GNB3: variants seen among roughly 807,000 people sequenced by gnomAD.
The protein encoded by GNB3 is G protein subunit beta 3.
A neutral mutation model predicts 41.2 loss-of-function variants in GNB3; 33 were observed. That is an observed-to-expected ratio of 0.80 (90% CI 0.61 to 1.07). The LOEUF is 1.07. Among genes scored for constraint, GNB3 ranks in the 50% least tolerant of loss-of-function variants. GNB3 has a pLI of 0.00. For missense variants in GNB3, 409 were observed against 455.3 expected (o/e 0.90, Z 0.92); for synonymous variants, 172 against 173.4 (o/e 0.99, Z 0.06).
rs782697687 is a variant in GNB3, at chr12:6,843,989, C to T, written c.699+11C>T. ...ATCAACGCCATCTGTGTGAGTGCAC[C>T]CCCCACCCCAGCTTCACTCCAACTC... is the stretch of plus-strand genomic sequence containing the variant. On this transcript the variant is annotated intron_variant, in intron 8 of 9. Coordinates refer to ENST00000229264, the MANE Select transcript of GNB3 (RefSeq NM_002075.4). This position sits in a 1 kb window ranked among gnomAD's most constrained non-coding sequence, Gnocchi z 5.9. The T allele has an allele frequency of 1.9e-6, 3 of 1,592,292 alleles. No individual in the cohort carries two copies. Among genetic ancestry groups the T allele is most frequent in the Admixed American group, 1.7e-5 (1 of 59,258 alleles).
In GNB3 at chr12:6,845,684, C is replaced by A. The variant is rs782748157; in HGVS notation, c.798C>A (p.His266Gln). 6.2e-7 allele frequency: 1 copy of A among 1,614,040 alleles called. No homozygotes were observed. Among genetic ancestry groups the A allele is most frequent in the East Asian group, 2.2e-5 (1 of 44,884 alleles). ...ACCAGGAGCTGATCTGCTTCTCCCA[C>A]GAGAGCATCATCTGCGGCATCACGT... is the stretch of plus-strand genomic sequence containing the variant. ...RADQELICFS[H>Q]ESIICGITSV... The change falls in exon 9 of 10, where the codon CAC (histidine) becomes CAA (glutamine). Residue 266 changes from histidine to glutamine, a missense_variant. Physicochemically the swap from His to Gln is conservative, Grantham distance 24. Coordinates refer to ENST00000229264, the MANE Select transcript of GNB3 (RefSeq NM_002075.4).
chr12:6,842,287 G>A (rs1304634434), intron 3 of GNB3, among the ~76,000 whole-genome samples: 2 of 152,156 alleles, frequency 1.3e-5, no homozygotes, highest in African/African-American at 2.4e-5. Context: ...AGTGGTTCAC[G>A]CCTGTAATCC....
chr12:6,842,503 C>T (rs1943592743), intron 3 of GNB3, among the ~76,000 whole-genome samples: 1 of 152,206 alleles, frequency 6.6e-6, no homozygotes, highest in Admixed American at 6.5e-5. Context: ...GCTCAAGGGG[C>T]ATAGTACCAC....
chr12:6,845,343 C>T lies in GNB3; in HGVS notation c.700-243C>T, dbSNP rs1390923189. 13 of 497,906 alleles carry T rather than the reference C, an allele frequency of 2.6e-5. No homozygotes were observed. In the Middle Eastern group the frequency reaches 1.6e-3, roughly 61 times the overall value. The allele number at this position is 497,906 out of a possible 1,614,324, so 30.8% of individuals were successfully genotyped here. ...AGGCAAGCCTTGGTGCTCTTGCCTG[C>T]GACGTGGAAATGATGCCTGCCTGCA... On this transcript the variant is annotated intron_variant, in intron 8 of 9. Coordinates refer to ENST00000229264, the MANE Select transcript of GNB3 (RefSeq NM_002075.4).
chr12:6,843,035 C>T lies in GNB3; in HGVS notation c.162C>T (p.His54=), dbSNP rs1565518239. ...GGACGCGGCGGACGTTAAGGGGACA[C>T]CTGGCCAAGATTTACGCCATGCACT... ...QMRTRRTLRG[H]LAKIYAMHWA... is the part of the protein sequence containing the mutation. The change falls in exon 4 of 10, where the codon CAC becomes CAT. Residue 54 remains histidine, a synonymous_variant. Coordinates refer to ENST00000229264, the MANE Select transcript of GNB3 (RefSeq NM_002075.4). This position sits in a 1 kb window ranked among gnomAD's most constrained non-coding sequence, Gnocchi z 5.9. 6.3e-7 allele frequency: 1 copy of T among 1,582,934 alleles called. No homozygotes were observed. The highest frequency in any genetic ancestry group is 8.6e-7 in the Non-Finnish European group (1 of 1,159,414).
rs1555123403 is a variant in GNB3, at chr12:6,841,634, CCT to C, written c.96+11_96+12del. ...CGTTACTCTGGCAGAGGTAAGACCC[CCT>C]GTCCCCCGGAAGGCAGGGCATGGGG... is the stretch of plus-strand genomic sequence containing the variant. On this transcript the variant is annotated intron_variant, in intron 3 of 9. Transcript: ENST00000229264. The C allele has an allele frequency of 6.2e-7, 1 of 1,609,502 alleles. No individual in the cohort carries two copies. Among genetic ancestry groups the C allele is most frequent in the East Asian group, 2.2e-5 (1 of 44,796 alleles).
chr12:6,843,328 C>A lies in GNB3; in HGVS notation c.268-35C>A. On this transcript the variant is annotated intron_variant, in intron 5 of 9. Transcript: ENST00000229264. The surrounding 1 kb of genome is among the most constrained non-coding windows in gnomAD (Gnocchi z 5.9). ...CTGTGCCCAGCTGGGAGCTTGGCTC[C>A]GGTCCCATCTCTGCTCAAACCACCC... The A allele has an allele frequency of 6.2e-7, 1 of 1,612,586 alleles. No homozygotes were observed. Among genetic ancestry groups the A allele is most frequent in the Non-Finnish European group, 8.5e-7 (1 of 1,178,702 alleles).
Position 6,843,593 on chromosome 12 carries a change from G to A in GNB3, c.431-39G>A, listed in dbSNP as rs1205348108. Reference sequence around the variant, plus strand: ...AACCCTGGGCTTCCAGTGGGCTGTGGCTCTGCAGCCAGGGCACTGTCCTTC... The same window carrying A: ...AACCCTGGGCTTCCAGTGGGCTGTGACTCTGCAGCCAGGGCACTGTCCTTC... On this transcript the variant is annotated intron_variant, in intron 6 of 9. Coordinates refer to ENST00000229264, the MANE Select transcript of GNB3 (RefSeq NM_002075.4). The surrounding 1 kb of genome is among the most constrained non-coding windows in gnomAD (Gnocchi z 5.9). The A allele has an allele frequency of 2.5e-6, 4 of 1,612,794 alleles. No individual in the cohort carries two copies. The highest frequency in any genetic ancestry group is 3.4e-6 in the Non-Finnish European group (4 of 1,178,778).
intron 3 of GNB3, 177 bp downstream of exon 3, chr12:6,841,801 T>A (rs1404682289): frequency 8.5e-6 from 6 of 708,320 alleles, no homozygotes; most frequent in Middle Eastern, 2.3e-4. Context: ...AGGCACCATA[T>A]TGGATGCGAA....
In GNB3 at chr12:6,843,732, G is replaced by T. The variant is rs1246235986; in HGVS notation, c.497+34G>T. On this transcript the variant is annotated intron_variant, in intron 7 of 9. Transcript: ENST00000229264. This position sits in a 1 kb window ranked among gnomAD's most constrained non-coding sequence, Gnocchi z 5.9. ...GAACATTGCTGGTGCTGGGGCTTGG[G>T]AGTGGGCCCGGCCTTTCTCTAACAG... is the stretch of plus-strand genomic sequence containing the variant. 6.2e-7 allele frequency: 1 copy of T among 1,612,264 alleles called. No homozygotes were observed. Among genetic ancestry groups the T allele is most frequent in the Non-Finnish European group, 8.5e-7 (1 of 1,178,370 alleles).
chr12:6,846,586 CT>C (rs1435573659), intron 9 of GNB3: 2 of 484,956 alleles, frequency 4.1e-6, no homozygotes, highest in Non-Finnish European at 7.4e-6. Flanking sequence ...TCTACCGAGT[CT>C]AGGATCCCTG....
rs891377923 is a variant in GNB3, at chr12:6,846,683, C to T, written c.917-109C>T. ...CATGCACACATATCCCCCCACACACCCACATACACACACACACCCACACAC... is the reference window on the plus strand; with the variant it reads ...CATGCACACATATCCCCCCACACACTCACATACACACACACACCCACACAC... On this transcript the variant is annotated intron_variant, in intron 9 of 9. Transcript: ENST00000229264. 176 of 634,362 alleles carry T rather than the reference C, an allele frequency of 2.8e-4. 1 individual carries two copies. Among genetic ancestry groups the T allele is most frequent in the Middle Eastern group, 1.6e-3 (6 of 3,852 alleles). 39.3% of individuals were successfully genotyped at this position (634,362 alleles called of 1,614,324 possible). A position where few individuals can be genotyped will look rare whatever the true frequency, so the allele number is the denominator to read the frequency against.
intron 8 of GNB3, 131 bp from the exon 9 acceptor site, chr12:6,845,455 C>G: frequency 1.5e-6 from 1 of 653,944 alleles, no homozygotes; most frequent in Non-Finnish European, 2.7e-6. Context: ...CACCCCAAAC[C>G]AAGGGAGGGA....
In GNB3 at chr12:6,843,928, A is replaced by T; in HGVS notation, c.649A>T (p.Thr217Ser). Residue 217 changes from threonine to serine, a missense_variant, in exon 8 of 10, where the codon ACC (threonine) becomes TCC (serine). Transcript: ENST00000229264. This position sits in a 1 kb window ranked among gnomAD's most constrained non-coding sequence, Gnocchi z 5.9. Reference sequence around the variant, plus strand: ...CAAGCTCTGGGATGTGCGAGAGGGGACCTGCCGTCAGACTTTCACTGGCCA... The same window carrying T: ...CAAGCTCTGGGATGTGCGAGAGGGGTCCTGCCGTCAGACTTTCACTGGCCA... Reference protein sequence around the residue: ...SAKLWDVREGTCRQTFTGHES... With the variant: ...SAKLWDVREGSCRQTFTGHES... 1 of 1,612,636 alleles carries T rather than the reference A, an allele frequency of 6.2e-7. No homozygotes were observed. The highest frequency in any genetic ancestry group is 8.5e-7 in the Non-Finnish European group (1 of 1,179,770).
intron 8 of GNB3, chr12:6,844,881 C>T (rs924581438): frequency 6.6e-6 from 1 of 152,214 alleles, no homozygotes; most frequent in African/African-American, 2.4e-5. Flanking sequence ...CTTCCCGAAA[C>T]AAAGCCCTTC....
Position 6,843,436 on chromosome 12 carries a change from G to T in GNB3, c.341G>T (p.Cys114Phe), listed in dbSNP as rs375004756. The change falls in exon 6 of 10, where the codon TGT becomes TTT. Residue 114 changes from cysteine to phenylalanine, a missense_variant. By Grantham distance (205) the Cys-to-Phe change is radical. Transcript: ENST00000229264. The surrounding 1 kb of genome is among the most constrained non-coding windows in gnomAD (Gnocchi z 5.9). The part of the protein sequence containing the change: ...AYAPSGNFVA[C>F]GGLDNMCSIY... ...GCCCCATCAGGGAACTTTGTGGCAT[G>T]TGGGGGGCTGGACAACATGTGTTCC... The T allele has an allele frequency of 6.2e-7, 1 of 1,614,136 alleles. No homozygotes were observed. The highest frequency in any genetic ancestry group is 8.5e-7 in the Non-Finnish European group (1 of 1,179,962).
In GNB3 at chr12:6,841,031, C is replaced by A; in HGVS notation, c.-33C>A. ...ACCCGGCCGAGGTCCAGCCAGAGCCCAAGTAAGAGGGAGCTGGCCTGGGCT... is the reference window on the plus strand; with the variant it reads ...ACCCGGCCGAGGTCCAGCCAGAGCCAAAGTAAGAGGGAGCTGGCCTGGGCT... On this transcript the variant is annotated splice_region_variant and 5_prime_UTR_variant, in exon 1 of 10. Transcript: ENST00000229264. 1 of 549,790 alleles carries A rather than the reference C, an allele frequency of 1.8e-6. No homozygotes were observed. Among genetic ancestry groups the A allele is most frequent in the Non-Finnish European group, 3.2e-6 (1 of 310,136 alleles). The allele number at this position is 549,790 out of a possible 1,614,324, so 34.1% of individuals were successfully genotyped here. A position where few individuals can be genotyped will look rare whatever the true frequency, so the allele number is the denominator to read the frequency against.
chr12:6,843,183 A>C lies in GNB3; in HGVS notation c.213A>C (p.Val71=), dbSNP rs1242856001. ...MHWATDSKLL[V]SASQDGKLIV... ...GATGCCCTCTCCCCAGGCTGCTGGT[A>C]AGTGCCTCGCAAGATGGGAAGCTGA... The change falls in exon 5 of 10, where the codon GTA becomes GTC. Residue 71 remains valine, a synonymous_variant. Coordinates refer to ENST00000229264, the MANE Select transcript of GNB3 (RefSeq NM_002075.4). This position sits in a 1 kb window ranked among gnomAD's most constrained non-coding sequence, Gnocchi z 5.9. 4.3e-6 allele frequency: 7 copies of C among 1,613,740 alleles called. No individual in the cohort carries two copies. The highest frequency in any genetic ancestry group is 5.9e-6 in the Non-Finnish European group (7 of 1,179,814).
chr12:6,842,557 C>T (rs914879358), intron 3 of GNB3, among the ~76,000 whole-genome samples: 2 of 152,178 alleles, frequency 1.3e-5, no homozygotes, highest in Admixed American at 6.5e-5. Context: ...ATGCCCCAGG[C>T]ACCCAGTTAA....
Sources: gnomAD v4.1 joint callset for allele counts (sites outside exome capture counted in the v4.1 genomes callset) on GRCh38, gnomAD v4.1.1 for gene constraint, Gnocchi (gnomAD v3.1) non-coding constraint, MANE v1.5 for transcripts, NCBI Gene and HGNC (gene_info 2026-07-23, HGNC 2026-07-21) for gene names.